NFATC3: variants seen among roughly 807,000 people sequenced by gnomAD.
NFATC3 encodes nuclear factor of activated T cells 3, also known as nuclear factor of activated T-cells, cytoplasmic 3.
NFATC3 carries 46 observed loss-of-function variants against 98.6 expected under a neutral mutation model. That is an observed-to-expected ratio of 0.47 (90% CI 0.37 to 0.60). The LOEUF (loss-of-function observed/expected upper bound fraction) is 0.60. Ranked by LOEUF, NFATC3 falls within the 20% of genes least tolerant of loss-of-function variation. The pLI, the probability that NFATC3 is intolerant of heterozygous loss-of-function variation, is 0.00. For missense variants in NFATC3, 1,256 were observed against 1,295.5 expected (o/e 0.97, Z 0.47); for synonymous variants, 512 against 472.2 (o/e 1.08, Z -1.09).
intron 1 of NFATC3, among the ~76,000 whole-genome samples, chr16:68,115,270 T>C (rs1463065643): frequency 6.6e-6 from 1 of 151,778 alleles, no homozygotes; most frequent in African/African-American, 2.4e-5. Context: ...TGCCATGTTG[T>C]CCAGGCTGGT....
chr16:68,192,941 C>T (rs930447058), intron 9 of NFATC3, among the ~76,000 whole-genome samples: 8 of 152,154 alleles, frequency 5.3e-5, no homozygotes, highest in Non-Finnish European at 1.2e-4. Context: ...GAGTAGGTGA[C>T]ATTTGAGCCA....
At chr16:68,181,683 C>G (rs1419284930) in intron 7 of NFATC3, among the ~76,000 whole-genome samples, 153 bp downstream of exon 7, 1 of 152,146 alleles carries the variant, frequency 6.6e-6, no homozygotes, top group African/African-American at 2.4e-5. Flanking sequence ...GTAATCCCAG[C>G]ACTTTGGGAG....
At chr16:68,170,178 G>A (rs1054592516) in intron 5 of NFATC3, among the ~76,000 whole-genome samples, 3 of 152,034 alleles carry the variant, frequency 2.0e-5, no homozygotes, top group African/African-American at 4.8e-5. Flanking sequence ...AGATCACGAC[G>A]TCAAGAGATC....
At chr16:68,097,710 T>C (rs1251932699) in intron 1 of NFATC3, among the ~76,000 whole-genome samples, 1 of 145,410 alleles carries the variant, frequency 6.9e-6, no homozygotes, top group Non-Finnish European at 1.5e-5. Context: ...TTTATCTATT[T>C]CAACAGCTTT....
At chr16:68,157,847 TG>T in intron 3 of NFATC3, 21 bp from the exon 4 acceptor site, 1 of 1,598,342 alleles carries the variant, frequency 6.3e-7, no homozygotes, top group Non-Finnish European at 8.6e-7. Flanking sequence ...TGTGCTTTTC[TG>T]TGTTTCTTTT....
In NFATC3 at chr16:68,112,268, C is replaced by CTTTT. The variant is rs768228927; in HGVS notation, c.104-9695_104-9692dup. 7.9e-4 allele frequency among the ~76,000 whole-genome samples: 61 copies of CTTTT among 77,422 alleles called. 5 individuals are homozygous for CTTTT. Among genetic ancestry groups the CTTTT allele is most frequent in the East Asian group, 1.1e-3 (3 of 2,814 alleles). 50.8% of individuals were successfully genotyped at this position (77,422 alleles called of 152,430 possible). The stretch of plus-strand genomic sequence containing the variant: ...CAGGTACCCCAGTTGTAGGTTCAGT[C>CTTTT]TTTTTTTTTTTTTTTTTTTTTTTTT... On this transcript the variant is annotated intron_variant, in intron 1 of 9. Transcript: ENST00000346183.
intron 1 of NFATC3, among the ~76,000 whole-genome samples, chr16:68,114,401 A>G (rs1167963248): frequency 6.6e-6 from 1 of 152,106 alleles, no homozygotes; most frequent in African/African-American, 2.4e-5. Flanking sequence ...CCTCCTGCCT[A>G]AACTAGTGTT....
chr16:68,166,299 A>C (rs922710248), intron 4 of NFATC3, among the ~76,000 whole-genome samples: 2 of 152,204 alleles, frequency 1.3e-5, no homozygotes, highest in Non-Finnish European at 2.9e-5. Flanking sequence ...GGGTCACTTA[A>C]GTACCTGGAT....
At chr16:68,174,348 C>G (rs1399102475) in intron 5 of NFATC3, 26 bp from the exon 6 acceptor site, 1 of 1,371,118 alleles carries the variant, frequency 7.3e-7, no homozygotes, top group Non-Finnish European at 9.5e-7. Context: ...TGTTTTTTCT[C>G]AACTCTTTAA....
At chr16:68,096,413 C>T (rs575157037) in intron 1 of NFATC3, among the ~76,000 whole-genome samples, 27 of 152,312 alleles carry the variant, frequency 1.8e-4, no homozygotes, top group South Asian at 1.4e-3. Flanking sequence ...CTTAGAGTAA[C>T]TGAGCTGGAA....
chr16:68,224,125 TTAAAA>T (rs1282964655), intron 9 of NFATC3, among the ~76,000 whole-genome samples: 22 of 142,252 alleles, frequency 1.5e-4, no homozygotes, highest in African/African-American at 4.7e-4. Flanking sequence ...ATGCACCAGT[TTAAAA>T]AAAAAAAAAA....
At chr16:68,173,878 G>A (rs2039577374) in intron 5 of NFATC3, among the ~76,000 whole-genome samples, 1 of 152,162 alleles carries the variant, frequency 6.6e-6, no homozygotes, top group Non-Finnish European at 1.5e-5. Flanking sequence ...GCTGGGTGTG[G>A]TGGCTCAAGC....
intron 4 of NFATC3, among the ~76,000 whole-genome samples, chr16:68,158,812 C>T (rs1287809701): frequency 6.6e-6 from 1 of 152,120 alleles, no homozygotes; most frequent in African/African-American, 2.4e-5. Context: ...AGGGAACTTC[C>T]ATTGGAGTCA....
intron 1 of NFATC3, among the ~76,000 whole-genome samples, chr16:68,098,872 G>T (rs2035185992): frequency 6.6e-6 from 1 of 152,050 alleles, no homozygotes; most frequent in South Asian, 2.1e-4. Flanking sequence ...ATTTAAAAAA[G>T]CTTTTTATTT....
intron 1 of NFATC3, among the ~76,000 whole-genome samples, chr16:68,098,061 T>A: frequency 6.6e-6 from 1 of 152,150 alleles, no homozygotes; most frequent in Non-Finnish European, 1.5e-5. Flanking sequence ...TGGGGAGTAG[T>A]TGCCATTATG....
At chr16:68,187,420 C>T (rs1019662929) in intron 8 of NFATC3, among the ~76,000 whole-genome samples, 3 of 152,208 alleles carry the variant, frequency 2.0e-5, no homozygotes. Context: ...TTCAGCCCCA[C>T]TGAGTTCTTG....
intron 3 of NFATC3, among the ~76,000 whole-genome samples, chr16:68,154,728 A>G (rs1209116815): frequency 6.6e-6 from 1 of 152,202 alleles, no homozygotes; most frequent in African/African-American, 2.4e-5. Context: ...TGACATTAGG[A>G]GTGAGCTTGA....
At chr16:68,189,035 T>C (rs747673832) in intron 8 of NFATC3, among the ~76,000 whole-genome samples, 4 of 152,200 alleles carry the variant, frequency 2.6e-5, no homozygotes, top group Non-Finnish European at 2.9e-5. Flanking sequence ...CATGTTGATA[T>C]CTAGTTTTCT....
At chr16:68,132,513 G>T (rs1455265977) in intron 3 of NFATC3, among the ~76,000 whole-genome samples, 2 of 152,158 alleles carry the variant, frequency 1.3e-5, no homozygotes, top group African/African-American at 4.8e-5. Context: ...TTTAAAAATA[G>T]AACTACCATG....
Sources: gnomAD v4.1 joint callset for allele counts (sites outside exome capture counted in the v4.1 genomes callset) on GRCh38, gnomAD v4.1.1 for gene constraint, MANE v1.5 for transcripts, NCBI Gene and HGNC (gene_info 2026-07-23, HGNC 2026-07-21) for gene names.